Variants in SMG6 observed in about 807,000 individuals in gnomAD.
SMG6 encodes the protein SMG6 nonsense mediated mRNA decay factor, also known as telomerase-binding protein EST1A.
In SMG6, 66 loss-of-function variants were observed where a neutral mutation model predicts 142.2. The ratio of observed to expected loss-of-function variants is 0.46; its 90% CI spans 0.38 to 0.57. SMG6 has a LOEUF of 0.57. Among genes scored for constraint, SMG6 ranks in the 20% least tolerant of loss-of-function variants. SMG6 has a pLI of 0.00. For missense variants in SMG6, 1,793 were observed against 1,832.0 expected (o/e 0.98, Z 0.39); for synonymous variants, 779 against 702.4 (o/e 1.11, Z -1.72).
chr17:2,162,954 C>A (rs1160871404), intron 13 of SMG6, among the ~76,000 whole-genome samples: 2 of 152,102 alleles, frequency 1.3e-5, no homozygotes, highest in African/African-American at 4.8e-5. Flanking sequence ...ACCTCAGCCT[C>A]TCAAGTAGCT....
intron 13 of SMG6, among the ~76,000 whole-genome samples, chr17:2,154,305 G>C (rs748474423): frequency 4.6e-5 from 7 of 151,544 alleles, no homozygotes; most frequent in Non-Finnish European, 1.0e-4. Flanking sequence ...ACGGTGACTG[G>C]GAAACCTGGG....
chr17:2,115,052 G>GAAACACAGC (rs1389717353), intron 13 of SMG6, among the ~76,000 whole-genome samples: 1 of 151,582 alleles, frequency 6.6e-6, no homozygotes, highest in Non-Finnish European at 1.5e-5. Flanking sequence ...GGGTTGATGG[G>GAAACACAGC]AAACACAGCA....
At chr17:2,207,994 T>C (rs1366632192) in intron 10 of SMG6, among the ~76,000 whole-genome samples, 1 of 152,194 alleles carries the variant, frequency 6.6e-6, no homozygotes, top group Non-Finnish European at 1.5e-5. Flanking sequence ...CCGGGTGCGG[T>C]GGCTCATGCC....
At chr17:2,153,342 A>C (rs145987027) in intron 13 of SMG6, among the ~76,000 whole-genome samples, 1 of 152,342 alleles carries the variant, frequency 6.6e-6, no homozygotes, top group African/African-American at 2.4e-5. Context: ...AGAGACAGAA[A>C]ACATCAGAAG....
At chr17:2,094,383 C>G (rs1034493244) in intron 13 of SMG6, among the ~76,000 whole-genome samples, 48 of 152,180 alleles carry the variant, frequency 3.2e-4, no homozygotes, top group African/African-American at 1.1e-3. Context: ...GGGCTACAGG[C>G]ACGTGCCACC....
intron 1 of SMG6, among the ~76,000 whole-genome samples, chr17:2,302,073 C>A (rs888694170): frequency 6.6e-6 from 1 of 150,984 alleles, no homozygotes; most frequent in Non-Finnish European, 1.5e-5. Flanking sequence ...GGCAACATGG[C>A]AACACCCTGT....
At chr17:2,238,654 G>GAC (rs2073728469) in intron 9 of SMG6, among the ~76,000 whole-genome samples, 1 of 152,164 alleles carries the variant, frequency 6.6e-6, no homozygotes, top group Non-Finnish European at 1.5e-5. Context: ...AGCACAGAAC[G>GAC]ACAGGACAGA....
intron 6 of SMG6, among the ~76,000 whole-genome samples, chr17:2,287,966 G>A (rs403553): frequency 0.57 from 87,152 of 151,996 alleles, 26,243 homozygotes; most frequent in East Asian, 0.75. Context: ...CATTCTGGAG[G>A]TTCGTTACAC....
chr17:2,299,333 G>T lies in SMG6; in HGVS notation c.1420C>A (p.Leu474Ile), dbSNP rs376351812. ...KPALKTQTPQLHFLDTDDEVS... is the reference protein window; with the variant it reads ...KPALKTQTPQIHFLDTDDEVS... ...TCATCATCAGTGTCCAAGAAATGTAGCTGGGGCGTCTGAGTCTTTAGAGCA... is the reference window on the plus strand; with the variant it reads ...TCATCATCAGTGTCCAAGAAATGTATCTGGGGCGTCTGAGTCTTTAGAGCA... Residue 474 changes from leucine to isoleucine, a missense_variant, in exon 2 of 19, where the codon CTA becomes ATA. Leu to Ile is a conservative substitution (Grantham distance 5, BLOSUM62 2). This residue lies in a region of SMG6 where 1,597 missense variants were observed against 1,584.6 expected (regional missense o/e 1.01). Transcript: ENST00000263073. This position sits in a 1 kb window ranked among gnomAD's most constrained non-coding sequence, Gnocchi z 4.3. 6.2e-7 allele frequency: 1 copy of T among 1,613,958 alleles called. No homozygotes were observed. Among genetic ancestry groups the T allele is most frequent in the African/African-American group, 1.3e-5 (1 of 74,890 alleles).
chr17:2,197,487 G>T (rs1282620771), intron 10 of SMG6, among the ~76,000 whole-genome samples: 1 of 152,056 alleles, frequency 6.6e-6, no homozygotes, highest in Non-Finnish European at 1.5e-5. Flanking sequence ...GATCACTTGA[G>T]CCTGGGAGGT....
intron 13 of SMG6, among the ~76,000 whole-genome samples, chr17:2,142,397 C>T (rs1333340119): frequency 6.6e-6 from 1 of 152,186 alleles, no homozygotes; most frequent in Non-Finnish European, 1.5e-5. Flanking sequence ...GTAATCCCAG[C>T]ACTTTGGGAG....
rs770980971 is a variant in SMG6, at chr17:2,061,510, C to T, written c.4242G>A (p.Thr1414=). The stretch of plus-strand genomic sequence containing the variant: ...GGCTCCCTCAGCCCACCTGGGCCCA[C>T]GTGAGGAAGGCTGGGATGTCCCGTA... ...VPVRDIPAFL[T]WAQVG is the part of the protein sequence containing the mutation. Residue 1414 remains threonine, a synonymous_variant, in exon 19 of 19, where the codon ACG becomes ACA. Transcript: ENST00000263073. 10 of 1,574,512 alleles carry T rather than the reference C, an allele frequency of 6.4e-6. No individual in the cohort carries two copies. Among genetic ancestry groups the T allele is most frequent in the African/African-American group, 5.4e-5 (4 of 74,038 alleles).
intron 12 of SMG6, among the ~76,000 whole-genome samples, chr17:2,183,991 C>G (rs548416424): frequency 4.6e-5 from 7 of 152,178 alleles, no homozygotes; most frequent in Non-Finnish European, 1.0e-4. Flanking sequence ...GGACACAACA[C>G]AGACATTCAG....
rs1227055181 is a variant in SMG6 at position 2,088,277 on chromosome 17, G to A, written c.3358-2376C>T. 3.0e-6 allele frequency: 3 copies of A among 985,322 alleles called. No homozygotes were observed. In the African/African-American group the frequency reaches 5.2e-5, roughly 17 times the overall value. The allele number at this position is 985,322 out of a possible 1,614,324, so 61.0% of individuals were successfully genotyped here. A position where few individuals can be genotyped will look rare whatever the true frequency, so the allele number is the denominator to read the frequency against. On this transcript the variant is annotated intron_variant, in intron 13 of 18. Coordinates refer to ENST00000263073, the MANE Select transcript of SMG6 (RefSeq NM_017575.5). ...TGGCCGACAGGGAGAAAAGCCACAT[G>A]TGTGGATGTGGGACTCCTGGAGATG...
intron 13 of SMG6, among the ~76,000 whole-genome samples, chr17:2,151,057 C>T (rs559791292): frequency 3.9e-5 from 6 of 152,268 alleles, no homozygotes; most frequent in South Asian, 2.1e-4. Context: ...ATTACAGGAA[C>T]GCTGGACCGA....
chr17:2,232,025 G>C (rs1409204131), intron 10 of SMG6, among the ~76,000 whole-genome samples: 2 of 151,760 alleles, frequency 1.3e-5, no homozygotes, highest in African/African-American at 4.8e-5. Flanking sequence ...GTGTGTGCCT[G>C]AAGTGGTTTT....
At chr17:2,164,348 G>A (rs1195095083) in intron 13 of SMG6, among the ~76,000 whole-genome samples, 4 of 148,844 alleles carry the variant, frequency 2.7e-5, no homozygotes, top group South Asian at 2.1e-4. Flanking sequence ...GCTTAAACCC[G>A]GGAGACAGAG....
intron 10 of SMG6, among the ~76,000 whole-genome samples, chr17:2,217,910 C>T (rs143424519): frequency 3.7e-3 from 565 of 151,326 alleles, no homozygotes; most frequent in Middle Eastern, 0.017. Context: ...CTCGGGAGGG[C>T]GAGACAGGAG....
intron 13 of SMG6, among the ~76,000 whole-genome samples, chr17:2,160,517 C>A (rs2151623660): frequency 1.3e-5 from 2 of 152,280 alleles, no homozygotes; most frequent in South Asian, 4.1e-4. Flanking sequence ...CCGCGCCTGG[C>A]CTTCAATTGT....
Sources: allele counts gnomAD v4.1 joint callset (sites outside exome capture counted in the v4.1 genomes callset), GRCh38; gene constraint gnomAD v4.1.1; regional missense constraint gnomAD v4.1.1; non-coding constraint Gnocchi (gnomAD v3.1); transcripts MANE v1.5; gene names NCBI Gene and HGNC (gene_info 2026-07-23, HGNC 2026-07-21).